MARCHF1: variants seen among roughly 807,000 people sequenced by gnomAD.
The protein encoded by MARCHF1 is E3 ubiquitin-protein ligase MARCHF1.
Under a neutral mutation model 54.2 loss-of-function variants are expected in MARCHF1, and 40 were observed. The observed-to-expected ratio is 0.74, with a 90% CI of 0.57 to 0.96. The LOEUF (loss-of-function observed/expected upper bound fraction) is 0.96, where lower values mean the gene tolerates loss of function less well. Among genes scored for constraint, MARCHF1 ranks in the 40% least tolerant of loss-of-function variants. The pLI, the probability that MARCHF1 is intolerant of heterozygous loss-of-function variation, is 0.00. For synonymous variants in MARCHF1, 236 were observed against 236.3 expected (o/e 1.00, Z 0.01); for missense variants, 586 against 656.5 (o/e 0.89, Z 1.17).
At chr4:164,201,098 T>C (rs1428988422) in intron 1 of MARCHF1, among the ~76,000 whole-genome samples, 1 of 152,254 alleles carries the variant, frequency 6.6e-6, no homozygotes, top group Non-Finnish European at 1.5e-5. Context: ...TCTTATTTTC[T>C]TGGCTTTAGA....
intron 5 of MARCHF1, among the ~76,000 whole-genome samples, chr4:163,646,815 G>T (rs1742777518): frequency 6.6e-6 from 1 of 151,908 alleles, no homozygotes; most frequent in Non-Finnish European, 1.5e-5. Flanking sequence ...AATTATTGTA[G>T]CACAAAGGAA....
chr4:164,255,480 C>T (rs554520064), intron 1 of MARCHF1, among the ~76,000 whole-genome samples: 25 of 149,116 alleles, frequency 1.7e-4, no homozygotes, highest in African/African-American at 5.1e-4. Flanking sequence ...TCTTCAACAA[C>T]GCCACGCATG....
At position 163,636,584 on chromosome 4, in the gene MARCHF1, G is replaced by C. The variant is rs559756330; in HGVS notation, c.163-23191C>G. On this transcript the variant is annotated intron_variant, in intron 5 of 9. Transcript: ENST00000514618. ...AGGAGAACTACAAACCACTGCTCAA[G>C]AAAATAAAAGAGGATACAAACAAAT... Among the ~76,000 whole-genome samples, 21 of 151,060 alleles carry C rather than the reference G, an allele frequency of 1.4e-4. No homozygotes were observed. In the South Asian group the frequency reaches 4.0e-3, roughly 29 times the overall value.
At chr4:163,556,181 C>T (rs1739279108) in intron 8 of MARCHF1, among the ~76,000 whole-genome samples, 1 of 151,988 alleles carries the variant, frequency 6.6e-6, no homozygotes, top group African/African-American at 2.4e-5. Context: ...AGAAGACAGC[C>T]AAGATTTCTG....
At chr4:163,756,477 C>G (rs1023815996) in intron 4 of MARCHF1, among the ~76,000 whole-genome samples, 2 of 150,590 alleles carry the variant, frequency 1.3e-5, no homozygotes, top group African/African-American at 4.9e-5. Context: ...AAAAAAAATA[C>G]AAATTATTAG....
intron 4 of MARCHF1, among the ~76,000 whole-genome samples, chr4:163,785,367 G>C (rs1214636499): frequency 3.3e-5 from 5 of 152,050 alleles, no homozygotes; most frequent in Non-Finnish European, 5.9e-5. Flanking sequence ...TTGCTCGATT[G>C]AAAGTGTGTC....
chr4:164,024,793 T>A (rs1227806649), intron 2 of MARCHF1, among the ~76,000 whole-genome samples: 1 of 151,996 alleles, frequency 6.6e-6, no homozygotes, highest in African/African-American at 2.4e-5. Flanking sequence ...CAGAGTCACA[T>A]ACTGGATAAA....
chr4:163,749,991 C>A (rs1249535213), intron 4 of MARCHF1, among the ~76,000 whole-genome samples: 1 of 151,800 alleles, frequency 6.6e-6, no homozygotes, highest in East Asian at 1.9e-4. Context: ...ATTACTTGAA[C>A]GTGGGAGGCA....
chr4:164,359,730 C>A (rs1235828128), intron 1 of MARCHF1, among the ~76,000 whole-genome samples: 1 of 152,038 alleles, frequency 6.6e-6, no homozygotes, highest in Non-Finnish European at 1.5e-5. Context: ...TTTTTAATGT[C>A]CTTATAAATA....
chr4:163,926,103 A>C (rs894107317), intron 3 of MARCHF1, among the ~76,000 whole-genome samples: 6 of 151,654 alleles, frequency 4.0e-5, no homozygotes, highest in African/African-American at 1.4e-4. Flanking sequence ...ACATATAACA[A>C]ATCAGCATAT....
At chr4:163,550,705 A>G (rs1462711067) in intron 8 of MARCHF1, among the ~76,000 whole-genome samples, 1 of 152,220 alleles carries the variant, frequency 6.6e-6, no homozygotes, top group Non-Finnish European at 1.5e-5. Flanking sequence ...CATTATTTAC[A>G]TGCCTTAGTA....
chr4:163,538,269 AGT>A (rs1281983297), intron 9 of MARCHF1, among the ~76,000 whole-genome samples: 2 of 152,222 alleles, frequency 1.3e-5, no homozygotes, highest in African/African-American at 4.8e-5. Flanking sequence ...CCAGGTTAAA[AGT>A]AACAGTATTT....
At chr4:164,328,153 G>C (rs974021319) in intron 1 of MARCHF1, among the ~76,000 whole-genome samples, 27 of 152,074 alleles carry the variant, frequency 1.8e-4, no homozygotes, top group African/African-American at 6.5e-4. Context: ...TCTAAAATTA[G>C]TTTTAGACCA....
chr4:163,780,752 T>C (rs569574422), intron 4 of MARCHF1, among the ~76,000 whole-genome samples: 1 of 152,328 alleles, frequency 6.6e-6, no homozygotes, highest in Admixed American at 6.5e-5. Flanking sequence ...ACTTTTCTTC[T>C]TCTAATAGCA....
chr4:164,185,816 A>C (rs77982318), intron 1 of MARCHF1, among the ~76,000 whole-genome samples: 66,053 of 137,640 alleles, frequency 0.48, 14,888 homozygotes, highest in Non-Finnish European at 0.52. Flanking sequence ...ACACAAAAAA[A>C]AAAACATTTC....
intron 2 of MARCHF1, among the ~76,000 whole-genome samples, chr4:164,068,496 C>T (rs770039301): frequency 2.2e-4 from 34 of 152,188 alleles, no homozygotes; most frequent in Non-Finnish European, 3.7e-4. Flanking sequence ...TCGGAGCGGC[C>T]GGCCAGCCCC....
intron 1 of MARCHF1, among the ~76,000 whole-genome samples, chr4:164,366,395 G>A (rs1047575118): frequency 2.0e-5 from 3 of 151,832 alleles, no homozygotes; most frequent in Non-Finnish European, 2.9e-5. Context: ...AAATGGATGT[G>A]CATATAATCT....
intron 1 of MARCHF1, among the ~76,000 whole-genome samples, chr4:164,143,859 T>A (rs1729580942): frequency 6.6e-6 from 1 of 152,266 alleles, no homozygotes; most frequent in East Asian, 1.9e-4. Context: ...AATGCTCCAA[T>A]TAAAAGACAC....
chr4:163,799,364 G>A (rs1027657607), intron 4 of MARCHF1, among the ~76,000 whole-genome samples: 4 of 152,046 alleles, frequency 2.6e-5, no homozygotes, highest in African/African-American at 9.7e-5. Context: ...ATGCATAGAA[G>A]AATATACATC....
Sources: gnomAD v4.1 joint callset for allele counts (sites outside exome capture counted in the v4.1 genomes callset) on GRCh38, gnomAD v4.1.1 for gene constraint, MANE v1.5 for transcripts, NCBI Gene and HGNC (gene_info 2026-07-23, HGNC 2026-07-21) for gene names.